CRACR2A: variants seen among roughly 807,000 people sequenced by gnomAD.
The protein encoded by CRACR2A is calcium release activated channel regulator 2A.
CRACR2A carries 79 observed loss-of-function variants against 90.5 expected under a neutral mutation model. That is an observed-to-expected ratio of 0.87 (90% confidence interval 0.73 to 1.05). The LOEUF (loss-of-function observed/expected upper bound fraction) is 1.05. Ranked by LOEUF, CRACR2A falls within the 50% of genes least tolerant of loss-of-function variation. The pLI, the probability that CRACR2A is intolerant of heterozygous loss-of-function variation, is 0.00. For missense variants in CRACR2A, 823 were observed against 897.2 expected (o/e 0.92, Z 1.06); for synonymous variants, 338 against 356.7 (o/e 0.95, Z 0.59).
rs1291934498 is a variant in CRACR2A, at chr12:3,627,608, T to G, written c.1817+17A>C. 6.4e-7 allele frequency: 1 copy of G among 1,551,624 alleles called. No homozygotes were observed. Among genetic ancestry groups the G allele is most frequent in the Non-Finnish European group, 8.7e-7 (1 of 1,146,956 alleles). On this transcript the variant is annotated intron_variant, in intron 16 of 19. Transcript: ENST00000440314. ...CGGCCTTCCCTCTGGAGCCCAGAAC[T>G]TCGGGCAGCTCCTCACCTCTCCTGC...
At chr12:3,654,479 T>C (rs536809226) in intron 9 of CRACR2A, 80 bp from the exon 10 acceptor site, 2 of 1,420,608 alleles carry the variant, frequency 1.4e-6, no homozygotes, top group South Asian at 1.5e-5. Context: ...CACCTTGTTT[T>C]CTCTGCTTGG....
At chr12:3,723,201 G>C (rs1720592098) in intron 2 of CRACR2A, among the ~76,000 whole-genome samples, 1 of 152,306 alleles carries the variant, frequency 6.6e-6, no homozygotes, top group East Asian at 1.9e-4. Context: ...TGAGCATGGA[G>C]TAGCATGCCA....
At position 3,666,390 on chromosome 12, in the gene CRACR2A, C is replaced by T. The variant is rs373494620; in HGVS notation, c.672-6736G>A. Among the ~76,000 whole-genome samples, 75 of 151,654 alleles carry T rather than the reference C, an allele frequency of 4.9e-4. No homozygotes were observed. In the East Asian group the frequency reaches 5.8e-3, roughly 12 times the overall value. On this transcript the variant is annotated intron_variant, in intron 7 of 19. Transcript: ENST00000440314. ...GCGCGTGCGCGCGCACGCGCGCACA[C>T]GCTCATGTGTACATCTGGTGCTGGG...
intron 4 of CRACR2A, among the ~76,000 whole-genome samples, chr12:3,686,973 G>A (rs1234726190): frequency 6.6e-6 from 1 of 152,084 alleles, no homozygotes; most frequent in African/African-American, 2.4e-5. Context: ...AGGTTTCTCA[G>A]GGACCCTGAT....
chr12:3,630,198 G>A (rs982204335), intron 15 of CRACR2A, among the ~76,000 whole-genome samples: 5 of 152,152 alleles, frequency 3.3e-5, no homozygotes, highest in Non-Finnish European at 7.4e-5. Context: ...CCCTCACATC[G>A]AGGTGACCCT....
chr12:3,650,740 C>T (rs181593347), intron 10 of CRACR2A, among the ~76,000 whole-genome samples: 19 of 152,280 alleles, frequency 1.2e-4, no homozygotes, highest in Admixed American at 3.3e-4. Flanking sequence ...TGGGTTCTCA[C>T]GGAGCGTTTT....
intron 8 of CRACR2A, among the ~76,000 whole-genome samples, chr12:3,657,477 G>C (rs1198443432): frequency 7.2e-5 from 11 of 152,214 alleles, no homozygotes; most frequent in Admixed American, 7.2e-4. Context: ...GAGGCCTTTG[G>C]ACACCTCCAT....
intron 1 of CRACR2A, among the ~76,000 whole-genome samples, chr12:3,737,461 T>A (rs926725593): frequency 6.6e-6 from 1 of 152,086 alleles, no homozygotes; most frequent in South Asian, 2.1e-4. Flanking sequence ...GGGAGAGACA[T>A]GATCTGATTT....
At chr12:3,617,942 A>G (rs1358055767) in intron 18 of CRACR2A, among the ~76,000 whole-genome samples, 1 of 151,988 alleles carries the variant, frequency 6.6e-6, no homozygotes, top group Admixed American at 6.5e-5. Flanking sequence ...CATGGGCTCT[A>G]TTTCTCCTTG....
intron 5 of CRACR2A, among the ~76,000 whole-genome samples, chr12:3,679,945 AT>A (rs1945414865): frequency 1.3e-5 from 2 of 152,218 alleles, no homozygotes; most frequent in Non-Finnish European, 2.9e-5. Context: ...TCCCCCTTTT[AT>A]GCTATGGCTT....
At chr12:3,739,918 G>A (rs186265766) in intron 1 of CRACR2A, among the ~76,000 whole-genome samples, 13 of 128,924 alleles carry the variant, frequency 1.0e-4, no homozygotes, top group Admixed American at 2.4e-4. Context: ...TGGCGACAGA[G>A]CGACTCCGTC....
chr12:3,737,607 C>G (rs888310259), intron 1 of CRACR2A, among the ~76,000 whole-genome samples: 4 of 151,974 alleles, frequency 2.6e-5, no homozygotes, highest in South Asian at 4.2e-4. Context: ...TGGACCAGGG[C>G]AATGGCAGCA....
intron 2 of CRACR2A, among the ~76,000 whole-genome samples, chr12:3,713,773 C>T (rs886856219): frequency 4.6e-5 from 7 of 152,124 alleles, no homozygotes; most frequent in African/African-American, 1.7e-4. Flanking sequence ...GAAGGAAATG[C>T]AGTAGGATGT....
intron 1 of CRACR2A, among the ~76,000 whole-genome samples, chr12:3,737,058 C>G (rs1443335066): frequency 6.6e-6 from 1 of 152,190 alleles, no homozygotes; most frequent in African/African-American, 2.4e-5. Context: ...ACAATGATTA[C>G]AGGATCACAA....
intron 5 of CRACR2A, among the ~76,000 whole-genome samples, chr12:3,679,816 TA>T (rs1945413322): frequency 6.6e-6 from 1 of 152,234 alleles, no homozygotes; most frequent in South Asian, 2.1e-4. Context: ...TGATAGCTGT[TA>T]TCCCTCAACC....
At chr12:3,744,949 A>C (rs1465650271) in intron 1 of CRACR2A, among the ~76,000 whole-genome samples, 1 of 152,208 alleles carries the variant, frequency 6.6e-6, no homozygotes, top group Non-Finnish European at 1.5e-5. Flanking sequence ...TATGTTATGT[A>C]TATTTTATCA....
chr12:3,636,817 G>A (rs1944462009), intron 14 of CRACR2A, among the ~76,000 whole-genome samples: 1 of 152,236 alleles, frequency 6.6e-6, no homozygotes, highest in Admixed American at 6.5e-5. Flanking sequence ...GCAGGCATGA[G>A]TCTTAATCCT....
chr12:3,699,411 T>C (rs2137716624), intron 3 of CRACR2A, among the ~76,000 whole-genome samples: 1 of 152,350 alleles, frequency 6.6e-6, no homozygotes, highest in African/African-American at 2.4e-5. Context: ...CTGCCCTTAA[T>C]GAATGAGTCT....
intron 2 of CRACR2A, among the ~76,000 whole-genome samples, chr12:3,719,649 A>G (rs1318464583): frequency 2.0e-5 from 3 of 152,218 alleles, no homozygotes; most frequent in African/African-American, 7.2e-5. Context: ...GAGATATTTA[A>G]TACTAGAAAC....
Sources: gnomAD v4.1 joint callset for allele counts (sites outside exome capture counted in the v4.1 genomes callset) on GRCh38, gnomAD v4.1.1 for gene constraint, MANE v1.5 for transcripts, NCBI Gene and HGNC (gene_info 2026-07-23, HGNC 2026-07-21) for gene names.